GRK1: variants seen among roughly 807,000 people sequenced by gnomAD.
GRK1 encodes the protein rhodopsin kinase GRK1.
Under a neutral mutation model 41.7 loss-of-function variants are expected in GRK1, and 28 were observed. The observed-to-expected ratio is 0.67, with a 90% confidence interval of 0.50 to 0.92. The LOEUF is 0.92. Ranked by LOEUF, GRK1 falls within the 40% of genes least tolerant of loss-of-function variation. GRK1 has a pLI of 0.00. For synonymous variants in GRK1, 327 were observed against 286.7 expected (o/e 1.14, Z -1.42); for missense variants, 703 against 671.2 (o/e 1.05, Z -0.52).
rs762974373 is a variant in GRK1 at position 113,671,515 on chromosome 13, G to A, written c.844G>A (p.Val282Met). 7 of 779,360 alleles carry A rather than the reference G, an allele frequency of 9.0e-6. No individual in the cohort carries two copies. Among genetic ancestry groups the A allele is most frequent in the African/African-American group, 5.1e-5 (3 of 59,114 alleles). 48.3% of individuals were successfully genotyped at this position (779,360 alleles called of 1,614,324 possible). A position where few individuals can be genotyped will look rare whatever the true frequency, so the allele number is the denominator to read the frequency against. Residue 282 changes from valine (V) to methionine (M), a missense_variant, in exon 3 of 7, where the codon GTG becomes ATG. Val to Met is a conservative substitution (Grantham distance 21). Transcript: ENST00000335678. The surrounding 1 kb of genome is among the most constrained non-coding windows in gnomAD (Gnocchi z 4.1). ...TTCCCCCAGGTACCACATCTACAAC[G>A]TGAATGAGGAGAACCCTGGCTTCCC... ...GGDIRYHIYN[V>M]NEENPGFPEP...
intron 4 of GRK1, among the ~76,000 whole-genome samples, chr13:113,723,803 T>C (rs2049871974): frequency 6.6e-6 from 1 of 151,468 alleles, no homozygotes; most frequent in African/African-American, 2.4e-5. Flanking sequence ...TGTGCCTGCA[T>C]GTGTGCCTGT....
In GRK1 at chr13:113,671,203, A is replaced by G. The variant is rs2140719661; in HGVS notation, c.828-296A>G. On this transcript the variant is annotated intron_variant, in intron 2 of 6. Coordinates refer to ENST00000335678, the MANE Select transcript of GRK1 (RefSeq NM_002929.3). The surrounding 1 kb of genome is among the most constrained non-coding windows in gnomAD (Gnocchi z 4.1). ...TCGGCCTCGGCCTGGCCCCTTCCTG[A>G]GACGGTCTGGGCTGTTTCCTAGCAC... Among the ~76,000 whole-genome samples the G allele has an allele frequency of 6.6e-6, 1 of 152,252 alleles. No homozygotes were observed. The highest frequency in any genetic ancestry group is 1.9e-4 in the East Asian group (1 of 5,166).
At chr13:113,726,488 G>A (rs2049889227) in intron 4 of GRK1, 1 of 161,082 alleles carries the variant, frequency 6.2e-6, no homozygotes, top group African/African-American at 2.4e-5. Context: ...GGCCGGTCAT[G>A]CGCGGTCCTA....
the GRK1 span, among the ~76,000 whole-genome samples, chr13:113,659,564 C>A: frequency 2.0e-5 from 3 of 151,988 alleles, no homozygotes; most frequent in Non-Finnish European, 4.4e-5. Flanking sequence ...GGATTCCTAT[C>A]ATTTCTTTTC....
the GRK1 span, among the ~76,000 whole-genome samples, chr13:113,648,359 G>A: frequency 6.6e-6 from 1 of 152,174 alleles, no homozygotes; most frequent in African/African-American, 2.4e-5. Flanking sequence ...ACTTCGACGC[G>A]CCAGTCGCTT....
intron 6 of GRK1, chr13:113,734,742 G>T (rs1381767235): frequency 2.2e-5 from 5 of 226,408 alleles, no homozygotes; most frequent in East Asian, 9.1e-5. Context: ...TCGGGGAGGA[G>T]ACCGCTTCAT....
At position 113,667,478 on chromosome 13, in the gene GRK1, G is replaced by A. The variant is rs1243049516; in HGVS notation, c.92G>A (p.Arg31Gln). 13 of 1,610,894 alleles carry A rather than the reference G, an allele frequency of 8.1e-6. No individual in the cohort carries two copies. The highest frequency in any genetic ancestry group is 4.5e-5 in the East Asian group (2 of 44,752). The part of the protein sequence containing the change: ...SFDGSSSQPS[R>Q]DKKYLAKLKL... Reference sequence around the variant, plus strand: ...GACGGCAGCAGCTCCCAACCCTCCCGGGACAAGAAGTACCTGGCCAAGCTC... The same window carrying A: ...GACGGCAGCAGCTCCCAACCCTCCCAGGACAAGAAGTACCTGGCCAAGCTC... The change falls in exon 1 of 7, where the codon CGG (arginine) becomes CAG (glutamine). Residue 31 changes from arginine to glutamine, a missense_variant. By Grantham distance (43) the Arg-to-Gln change is conservative. Coordinates refer to ENST00000335678, the MANE Select transcript of GRK1 (RefSeq NM_002929.3). This position sits in a 1 kb window ranked among gnomAD's most constrained non-coding sequence, Gnocchi z 7.5.
upstream of GRK1, among the ~76,000 whole-genome samples, chr13:113,664,787 C>T (rs1257061034): frequency 1.3e-5 from 2 of 152,214 alleles, no homozygotes; most frequent in Non-Finnish European, 2.9e-5. The surrounding 1 kb of genome is among the most constrained non-coding windows in gnomAD (Gnocchi z 5.4). Context: ...CTGTTTGAGG[C>T]ATGAACCAGG....
Position 113,667,235 on chromosome 13 carries a change from C to A in GRK1, c.-152C>A. 1 of 765,326 alleles carries A rather than the reference C, an allele frequency of 1.3e-6. No individual in the cohort carries two copies. Among genetic ancestry groups the A allele is most frequent in the Non-Finnish European group, 2.0e-6 (1 of 492,776 alleles). The allele number at this position is 765,326 out of a possible 1,614,324, so 47.4% of individuals were successfully genotyped here. A position where few individuals can be genotyped will look rare whatever the true frequency, so the allele number is the denominator to read the frequency against. ...GGGCTTCCCAGTGGTCCCCAGGAAC[C>A]CTCGACAGGGCCAGGGCGTCTCTCT... On this transcript the variant is annotated 5_prime_UTR_variant, in exon 1 of 7. Transcript: ENST00000335678. The surrounding 1 kb of genome is among the most constrained non-coding windows in gnomAD (Gnocchi z 7.5).
the GRK1 span, among the ~76,000 whole-genome samples, chr13:113,651,161 A>G: frequency 4.1e-4 from 63 of 152,268 alleles, no homozygotes; most frequent in Non-Finnish European, 6.0e-4. Flanking sequence ...TTTGGGTGTC[A>G]TGGTGGAAGC....
At chr13:113,728,782 C>G (rs929241165) in intron 4 of GRK1, among the ~76,000 whole-genome samples, 1 of 152,162 alleles carries the variant, frequency 6.6e-6, no homozygotes, top group Admixed American at 6.5e-5. Context: ...GCTGTGGCCT[C>G]GAACCTCATC....
rs1262814100 is a variant in GRK1 at position 113,736,877 on chromosome 13, T to C, written c.*1514T>C. The stretch of plus-strand genomic sequence containing the variant: ...AGGGGCCGCGGCAAGTGGCTGATGA[T>C]GTGACTGATGGAGACAGGGTGGCTT... On this transcript the variant is annotated 3_prime_UTR_variant, in exon 7 of 7. Transcript: ENST00000335678. 2 of 152,444 alleles carry C rather than the reference T, an allele frequency of 1.3e-5. No individual in the cohort carries two copies. Among genetic ancestry groups the C allele is most frequent in the Non-Finnish European group, 2.9e-5 (2 of 68,216 alleles). 9.4% of individuals were successfully genotyped at this position (152,444 alleles called of 1,614,324 possible). A position where few individuals can be genotyped will look rare whatever the true frequency, so the allele number is the denominator to read the frequency against.
chr13:113,656,022 T>G, the GRK1 span, among the ~76,000 whole-genome samples: 3 of 152,250 alleles, frequency 2.0e-5, 1 homozygote, highest in East Asian at 5.8e-4. Flanking sequence ...GCATCCACTT[T>G]GAGTCCCTCC....
At chr13:113,652,042 T>G in the GRK1 span, among the ~76,000 whole-genome samples, 12 of 152,184 alleles carry the variant, frequency 7.9e-5, no homozygotes, top group African/African-American at 2.9e-4. Flanking sequence ...CCAGGTCCGG[T>G]GGAGCACTGA....
chr13:113,669,114 C>T (rs981357382), intron 1 of GRK1, among the ~76,000 whole-genome samples: 1 of 152,248 alleles, frequency 6.6e-6, no homozygotes, highest in Non-Finnish European at 1.5e-5. Flanking sequence ...CGTCACCAAA[C>T]TGAACTCCAT....
At chr13:113,657,801 G>A in the GRK1 span, among the ~76,000 whole-genome samples, 7 of 152,242 alleles carry the variant, frequency 4.6e-5, no homozygotes, top group South Asian at 4.1e-4. Context: ...GCCCTCCACC[G>A]GCGTTCTGCA....
intron 4 of GRK1, among the ~76,000 whole-genome samples, chr13:113,725,188 C>G (rs529227459): frequency 1.3e-5 from 2 of 152,368 alleles, no homozygotes; most frequent in Admixed American, 6.5e-5. Flanking sequence ...CCACGCGCCC[C>G]CCACGCAGCG....
intron 5 of GRK1, among the ~76,000 whole-genome samples, chr13:113,732,638 G>A (rs1255618087): frequency 2.0e-5 from 3 of 152,232 alleles, no homozygotes; most frequent in Admixed American, 2.0e-4. Flanking sequence ...CGGCTGTGCT[G>A]GGGGTGGGTC....
chr13:113,733,637 A>G lies in GRK1; in HGVS notation c.1396+552A>G, dbSNP rs1269433187. Among the ~76,000 whole-genome samples the G allele has an allele frequency of 7.2e-5, 9 of 124,532 alleles. 1 individual carries two copies. The highest frequency in any genetic ancestry group is 5.6e-4 in the Admixed American group (7 of 12,544). 81.7% of individuals were successfully genotyped at this position (124,532 alleles called of 152,430 possible). A position where few individuals can be genotyped will look rare whatever the true frequency, so the allele number is the denominator to read the frequency against. On this transcript the variant is annotated intron_variant, in intron 6 of 6. Coordinates refer to ENST00000335678, the MANE Select transcript of GRK1 (RefSeq NM_002929.3). ...TATGTGTGTGCATACGTGTGTGCTC[A>G]TGTATGTGTGCATACGTGTGTGTGC...
Sources: gnomAD v4.1 joint callset for allele counts (sites outside exome capture counted in the v4.1 genomes callset) on GRCh38, gnomAD v4.1.1 for gene constraint, Gnocchi (gnomAD v3.1) non-coding constraint, MANE v1.5 for transcripts, NCBI Gene and HGNC (gene_info 2026-07-23, HGNC 2026-07-21) for gene names.